KAZN: variants seen among roughly 807,000 people sequenced by gnomAD.
KAZN encodes kazrin.
KAZN carries 40 observed loss-of-function variants against 87.4 expected under a neutral mutation model. That is an observed-to-expected ratio of 0.46 (90% CI 0.36 to 0.60). The LOEUF (loss-of-function observed/expected upper bound fraction) is 0.60, where lower values mean the gene tolerates loss of function less well. Ranked by LOEUF, KAZN falls within the 20% of genes least tolerant of loss-of-function variation. The pLI is 0.00. For missense variants in KAZN, 898 were observed against 1,073.9 expected, an observed-to-expected ratio of 0.84 and a Z score of 2.29; for synonymous variants, 466 against 458.3, an observed-to-expected ratio of 1.02 and a Z score of -0.22.
intron 2 of KAZN, among the ~76,000 whole-genome samples, chr1:14,974,874 G>A (rs1665438090): frequency 6.6e-6 from 1 of 152,322 alleles, no homozygotes; most frequent in African/African-American, 2.4e-5. Flanking sequence ...TTGCAGGTGT[G>A]TACATATATC....
At chr1:14,400,785 T>G (rs1663333865) in intron 2 of KAZN, among the ~76,000 whole-genome samples, 1 of 152,200 alleles carries the variant, frequency 6.6e-6, no homozygotes, top group African/African-American at 2.4e-5. Context: ...GCACTTCTTG[T>G]AGAAGAACAA....
At chr1:14,449,838 G>A (rs1014568052) in intron 2 of KAZN, among the ~76,000 whole-genome samples, 2 of 152,066 alleles carry the variant, frequency 1.3e-5, no homozygotes, top group African/African-American at 4.8e-5. Context: ...ACTTCATCTC[G>A]GTTATTTCAA....
At chr1:14,462,101 T>G (rs1355236996) in intron 2 of KAZN, among the ~76,000 whole-genome samples, 4 of 150,936 alleles carry the variant, frequency 2.7e-5, no homozygotes, top group Admixed American at 2.6e-4. Context: ...AAAAGTCTCC[T>G]CTTGGGAAAG....
intron 1 of KAZN, among the ~76,000 whole-genome samples, chr1:14,659,805 G>T (rs187766529): frequency 1.8e-4 from 27 of 151,660 alleles, no homozygotes; most frequent in Admixed American, 1.1e-3. Context: ...TTCCTTTGTT[G>T]CCAGGGAAAT....
chr1:14,363,164 C>T (rs964894463), intron 2 of KAZN, among the ~76,000 whole-genome samples: 3 of 152,186 alleles, frequency 2.0e-5, no homozygotes, highest in African/African-American at 7.2e-5. Context: ...AAGTCCTCAT[C>T]ATCTTGCTAA....
chr1:14,925,073 G>A (rs1244504290), intron 1 of KAZN, among the ~76,000 whole-genome samples: 1 of 152,264 alleles, frequency 6.6e-6, no homozygotes, highest in Non-Finnish European at 1.5e-5. Context: ...TGAACTCCGA[G>A]TAATGCAGAA....
intron 2 of KAZN, among the ~76,000 whole-genome samples, chr1:14,348,124 C>A (rs567689524): frequency 1.3e-5 from 2 of 149,876 alleles, no homozygotes; most frequent in Non-Finnish European, 1.5e-5. Context: ...CATCTCAGCT[C>A]GCTGCAACCT....
chr1:13,893,852 TGTCA>T (rs1638930389), intron 1 of KAZN: 1 of 1,393,094 alleles, frequency 7.2e-7, no homozygotes, highest in Non-Finnish European at 9.8e-7. Context: ...TCTGTGTGTC[TGTCA>T]GTCTACCTCA....
At chr1:14,608,451 A>G (rs1285441559) in intron 1 of KAZN, among the ~76,000 whole-genome samples, 1 of 152,254 alleles carries the variant, frequency 6.6e-6, no homozygotes, top group East Asian at 1.9e-4. Flanking sequence ...ACAGATGTGC[A>G]TGACAATGGT....
intron 1 of KAZN, among the ~76,000 whole-genome samples, chr1:14,729,511 G>A (rs568731701): frequency 2.6e-5 from 4 of 152,288 alleles, no homozygotes; most frequent in South Asian, 2.1e-4. Flanking sequence ...AATGCCCTTC[G>A]CTGTCAGGGA....
intron 2 of KAZN, among the ~76,000 whole-genome samples, chr1:14,187,906 A>G (rs1423499914): frequency 1.3e-5 from 2 of 152,066 alleles, no homozygotes; most frequent in Non-Finnish European, 2.9e-5. Context: ...TTATCCATTC[A>G]CTCACTTTCT....
intron 8 of KAZN, among the ~76,000 whole-genome samples, chr1:15,074,020 G>C (rs2100602524): frequency 6.6e-6 from 1 of 152,318 alleles, no homozygotes; most frequent in South Asian, 2.1e-4. Context: ...AGCGCCTTCA[G>C]GGCCCCTGAG....
At chr1:14,060,491 T>C (rs1642753063) in intron 1 of KAZN, among the ~76,000 whole-genome samples, 1 of 152,158 alleles carries the variant, frequency 6.6e-6, no homozygotes, top group Non-Finnish European at 1.5e-5. Flanking sequence ...TTAGGAATCA[T>C]GTTATCAGAA....
chr1:14,387,498 A>G (rs1662030548), intron 2 of KAZN, among the ~76,000 whole-genome samples: 1 of 151,870 alleles, frequency 6.6e-6, no homozygotes, highest in Admixed American at 6.5e-5. Flanking sequence ...TTTGGTGTGG[A>G]TGTCCTTTCT....
At chr1:14,336,605 C>T (rs999438308) in intron 2 of KAZN, among the ~76,000 whole-genome samples, 1 of 152,224 alleles carries the variant, frequency 6.6e-6, no homozygotes, top group Non-Finnish European at 1.5e-5. Flanking sequence ...ATTTTCTCTA[C>T]CTCCTCATCA....
intron 1 of KAZN, among the ~76,000 whole-genome samples, chr1:14,849,434 A>G (rs955579515): frequency 2.6e-5 from 4 of 152,308 alleles, no homozygotes; most frequent in African/African-American, 9.6e-5. Flanking sequence ...GAGCACATTA[A>G]CACAAAGGTT....
At chr1:14,687,704 G>A (rs937713108) in intron 1 of KAZN, among the ~76,000 whole-genome samples, 1 of 152,202 alleles carries the variant, frequency 6.6e-6, no homozygotes, top group Non-Finnish European at 1.5e-5. Flanking sequence ...GCACTTTACA[G>A]CATGAAATGT....
intron 8 of KAZN, among the ~76,000 whole-genome samples, chr1:15,087,769 C>T (rs1031850471): frequency 6.6e-6 from 1 of 152,230 alleles, no homozygotes; most frequent in African/African-American, 2.4e-5. Context: ...CTGGACAGAG[C>T]AGTCTGGACA....
chr1:14,975,677 C>T (rs941773267), intron 2 of KAZN, among the ~76,000 whole-genome samples: 2 of 152,068 alleles, frequency 1.3e-5, no homozygotes, highest in Admixed American at 6.5e-5. Flanking sequence ...GTTGTTTTTC[C>T]CATTTTGCAC....
Sources: allele counts gnomAD v4.1 joint callset (sites outside exome capture counted in the v4.1 genomes callset), GRCh38; gene constraint gnomAD v4.1.1; transcripts MANE v1.5; gene names NCBI Gene and HGNC (gene_info 2026-07-23, HGNC 2026-07-21).